GALNT8: variants seen among roughly 807,000 people sequenced by gnomAD.
The protein encoded by GALNT8 is probable polypeptide N-acetylgalactosaminyltransferase 8.
Under a neutral mutation model 62.7 loss-of-function variants are expected in GALNT8, and 66 were observed. The observed-to-expected ratio is 1.05, with a 90% CI of 0.86 to 1.29. The LOEUF is 1.29. GALNT8 is among the 50% of genes most tolerant of loss of function. GALNT8 has a pLI of 0.00. For missense variants in GALNT8, 771 were observed against 791.8 expected (o/e 0.97, Z 0.32); for synonymous variants, 288 against 294.3 (o/e 0.98, Z 0.22).
At chr12:4,750,146 C>A (rs1489811503) in intron 6 of GALNT8, among the ~76,000 whole-genome samples, 1 of 151,844 alleles carries the variant, frequency 6.6e-6, no homozygotes, top group African/African-American at 2.4e-5. Context: ...ATTTCAATTT[C>A]ATTTATTTCT....
At chr12:4,758,739 C>T (rs1946358289) in intron 6 of GALNT8, among the ~76,000 whole-genome samples, 1 of 149,274 alleles carries the variant, frequency 6.7e-6, no homozygotes, top group Non-Finnish European at 1.5e-5. Context: ...AACTTTTGGG[C>T]AAAGCTAATT....
chr12:4,772,546 G>A lies in GALNT8; in HGVS notation c.1863G>A (p.Val621=), dbSNP rs768594755. 8 of 1,613,900 alleles carry A rather than the reference G, an allele frequency of 5.0e-6. No homozygotes were observed. In the Admixed American group the frequency reaches 1.0e-4, roughly 20 times the overall value. ...TGCTCCAGACCTGTAGCACGCAAGT[G>A]TGGGAAATCCAGCACACTGTCAGAG... ...VLVLQTCSTQ[V]WEIQHTVRDW... Residue 621 remains valine, a synonymous_variant, in exon 11 of 11, where the codon GTG becomes GTA. Transcript: ENST00000252318.
At chr12:4,730,042 T>G (rs1946214762) in intron 2 of GALNT8, among the ~76,000 whole-genome samples, 1 of 152,194 alleles carries the variant, frequency 6.6e-6, no homozygotes. Context: ...AAATGTTTGC[T>G]TAGGTCATTT....
rs765833129 is a variant in GALNT8 at position 4,772,587 on chromosome 12, A to G, written c.1904A>G (p.Asn635Ser). 6.2e-7 allele frequency: 1 copy of G among 1,613,332 alleles called. No homozygotes were observed. Among genetic ancestry groups the G allele is most frequent in the Non-Finnish European group, 8.5e-7 (1 of 1,179,590 alleles). ...QHTVRDWGQT[N>S]SQ is the part of the protein sequence containing the mutation. ...ACTGTCAGAGACTGGGGTCAGACCA[A>G]CAGCCAGTGATCCTCAGATGGTGCT... The change falls in exon 11 of 11, where the codon AAC becomes AGC. Residue 635 changes from asparagine (N) to serine (S), a missense_variant. Asn to Ser is a conservative substitution (Grantham distance 46). Coordinates refer to ENST00000252318, the MANE Select transcript of GALNT8 (RefSeq NM_017417.2).
intron 6 of GALNT8, among the ~76,000 whole-genome samples, chr12:4,755,758 A>T (rs1946341688): frequency 6.6e-6 from 1 of 152,240 alleles, no homozygotes; most frequent in South Asian, 2.1e-4. Flanking sequence ...TTACAAGTGC[A>T]GATTCAAGAT....
At chr12:4,746,688 C>T (rs1007337587) in intron 6 of GALNT8, among the ~76,000 whole-genome samples, 2 of 152,118 alleles carry the variant, frequency 1.3e-5, no homozygotes, top group East Asian at 1.9e-4. Flanking sequence ...GAGCAGCTGA[C>T]GTGATAGCCT....
At chr12:4,745,044 A>G (rs1425867801) in intron 4 of GALNT8, among the ~76,000 whole-genome samples, 1 of 152,206 alleles carries the variant, frequency 6.6e-6, no homozygotes, top group Non-Finnish European at 1.5e-5. Flanking sequence ...AAATTACATA[A>G]TAAAATAAAG....
intron 10 of GALNT8, among the ~76,000 whole-genome samples, chr12:4,769,393 T>C (rs1331756568): frequency 6.6e-6 from 1 of 152,190 alleles, no homozygotes; most frequent in Admixed American, 6.5e-5. Context: ...GCACTGATTC[T>C]TTTTTAGGAC....
chr12:4,721,551 C>T (rs1217407201), intron 1 of GALNT8, among the ~76,000 whole-genome samples: 1 of 152,178 alleles, frequency 6.6e-6, no homozygotes, highest in African/African-American at 2.4e-5. Flanking sequence ...TTTAGATATG[C>T]ATACACATAA....
At chr12:4,725,648 C>G (rs937147625) in intron 1 of GALNT8, among the ~76,000 whole-genome samples, 1 of 151,388 alleles carries the variant, frequency 6.6e-6, no homozygotes, top group South Asian at 2.1e-4. Flanking sequence ...CTCCACCTCC[C>G]GGGTTCAAGC....
intron 2 of GALNT8, among the ~76,000 whole-genome samples, chr12:4,738,460 C>T (rs1214955490): frequency 3.3e-5 from 5 of 152,090 alleles, no homozygotes; most frequent in South Asian, 2.1e-4. Context: ...ATAATACCAT[C>T]CAGAAAGTGC....
chr12:4,743,371 G>T (rs982415280), intron 3 of GALNT8, among the ~76,000 whole-genome samples: 4 of 152,246 alleles, frequency 2.6e-5, no homozygotes, highest in African/African-American at 9.6e-5. Context: ...GCCCTGCTTA[G>T]CACCTTCAAT....
chr12:4,764,520 C>T (rs1429787493), intron 9 of GALNT8, among the ~76,000 whole-genome samples: 1 of 135,808 alleles, frequency 7.4e-6, no homozygotes, highest in Non-Finnish European at 1.5e-5. Flanking sequence ...GTGGAAGGTG[C>T]AGTCAGGGGA....
At chr12:4,723,219 AAGAG>A (rs572496328) in intron 1 of GALNT8, among the ~76,000 whole-genome samples, 60 of 152,286 alleles carry the variant, frequency 3.9e-4, no homozygotes, top group African/African-American at 1.4e-3. Flanking sequence ...GTGTCTAGGA[AAGAG>A]AGAGAAAAAG....
At chr12:4,759,424 AG>A (rs1253830153) in intron 6 of GALNT8, among the ~76,000 whole-genome samples, 1 of 150,806 alleles carries the variant, frequency 6.6e-6, no homozygotes, top group Non-Finnish European at 1.5e-5. Context: ...GAATAAGTTG[AG>A]GGTCAACTTA....
At chr12:4,751,882 T>A (rs1946323648) in intron 6 of GALNT8, among the ~76,000 whole-genome samples, 1 of 152,154 alleles carries the variant, frequency 6.6e-6, no homozygotes, top group African/African-American at 2.4e-5. Flanking sequence ...TATTGGGGCC[T>A]ATCTCTCTAT....
At chr12:4,724,044 G>T (rs753895061) in intron 1 of GALNT8, among the ~76,000 whole-genome samples, 7 of 150,006 alleles carry the variant, frequency 4.7e-5, no homozygotes, top group Non-Finnish European at 1.0e-4. Context: ...AGCTACTCGG[G>T]AAGCTGAGGC....
chr12:4,746,484 A>G (rs1397977099), intron 6 of GALNT8, among the ~76,000 whole-genome samples: 2 of 152,106 alleles, frequency 1.3e-5, no homozygotes, highest in Non-Finnish European at 2.9e-5. Context: ...GGAAGGGGTC[A>G]AGTTGGGATT....
intron 4 of GALNT8, 54 bp downstream of exon 4, chr12:4,744,754 C>A: frequency 1.7e-6 from 2 of 1,197,484 alleles, no homozygotes; most frequent in Non-Finnish European, 2.4e-6. Context: ...AGATATTGTG[C>A]ATGTACTGAA....
Sources: allele counts gnomAD v4.1 joint callset (sites outside exome capture counted in the v4.1 genomes callset), GRCh38; gene constraint gnomAD v4.1.1; transcripts MANE v1.5; gene names NCBI Gene and HGNC (gene_info 2026-07-23, HGNC 2026-07-21).